Variants in CFAP47 observed in about 807,000 individuals in gnomAD.
The protein encoded by CFAP47 is cilia- and flagella-associated protein 47.
In CFAP47, 29 loss-of-function variants were observed where a neutral mutation model predicts 148.1. The observed-to-expected ratio is 0.20, with a 90% CI of 0.15 to 0.27. CFAP47 has a LOEUF of 0.27. Among genes scored for constraint, CFAP47 ranks in the 10% least tolerant of loss-of-function variants. CFAP47 has a pLI of 1.00. For synonymous variants in CFAP47, 664 were observed against 577.3 expected (o/e 1.15, Z -2.15); for missense variants, 1,872 against 1,697.5 (o/e 1.10, Z -1.81).
intron 26 of CFAP47, among the ~76,000 whole-genome samples, chrX:36,049,814 C>T (rs1009941329): frequency 9.0e-6 from 1 of 111,571 alleles, no homozygotes; most frequent in African/African-American, 3.3e-5. Flanking sequence ...GCTGTGTCCC[C>T]ACCTAAATTT....
intron 61 of CFAP47, among the ~76,000 whole-genome samples, chrX:36,363,046 A>T (rs1291007041): frequency 9.0e-6 from 1 of 111,578 alleles, no homozygotes; most frequent in East Asian, 2.8e-4. Context: ...ACTCATGAAA[A>T]TTTTTTGGAT....
intron 48 of CFAP47, among the ~76,000 whole-genome samples, chrX:36,247,480 G>A (rs1940630843): frequency 9.0e-6 from 1 of 110,743 alleles, no homozygotes; most frequent in Non-Finnish European, 1.9e-5. Flanking sequence ...TATCTTGGCA[G>A]GCTTAAAATG....
intron 39 of CFAP47, among the ~76,000 whole-genome samples, chrX:36,170,947 C>T (rs912904259): frequency 2.8e-5 from 3 of 109,014 alleles, no homozygotes; most frequent in Non-Finnish European, 3.8e-5. Context: ...TCCACATCCT[C>T]TCCGGCACCT....
At chrX:35,990,634 TCTTTC>T (rs775274277) in intron 16 of CFAP47, among the ~76,000 whole-genome samples, 2 of 111,526 alleles carry the variant, frequency 1.8e-5, no homozygotes, top group Non-Finnish European at 3.8e-5. Flanking sequence ...AGCCTTCAAC[TCTTTC>T]CTTTTGCACT....
chrX:36,315,320 G>T (rs1467086273), intron 56 of CFAP47, among the ~76,000 whole-genome samples: 3 of 112,156 alleles, frequency 2.7e-5, no homozygotes, highest in Admixed American at 9.5e-5. Context: ...TTCCTAAGGA[G>T]AATTTTGGCA....
At chrX:36,230,871 C>T (rs1326243816) in intron 46 of CFAP47, among the ~76,000 whole-genome samples, 1 of 106,637 alleles carries the variant, frequency 9.4e-6, no homozygotes, top group Non-Finnish European at 1.9e-5. Context: ...ATAAGGAATC[C>T]TTTCCCCATT....
intron 57 of CFAP47, among the ~76,000 whole-genome samples, chrX:36,321,859 C>T (rs1941481806): frequency 9.0e-6 from 1 of 111,670 alleles, no homozygotes; most frequent in African/African-American, 3.2e-5. Context: ...AATACGTGAG[C>T]CATTTTCTGT....
chrX:36,015,129 T>TA (rs774025778), intron 22 of CFAP47, among the ~76,000 whole-genome samples: 226 of 109,872 alleles, frequency 2.1e-3, no homozygotes, highest in Middle Eastern at 4.7e-3. Flanking sequence ...AGCAACTTGC[T>TA]AAAAAAAAGA....
chrX:36,373,783 G>T (rs1210948268), intron 62 of CFAP47, among the ~76,000 whole-genome samples: 3 of 111,813 alleles, frequency 2.7e-5, no homozygotes, highest in Non-Finnish European at 5.7e-5. Context: ...ATCATGAAAT[G>T]ATGTTAAACT....
At chrX:36,360,382 AT>A (rs1464226474) in intron 60 of CFAP47, among the ~76,000 whole-genome samples, 1 of 111,566 alleles carries the variant, frequency 9.0e-6, no homozygotes, top group Non-Finnish European at 1.9e-5. Context: ...CTGGGGACAC[AT>A]CTGGCGCCTG....
At chrX:36,185,626 A>G (rs782192105) in intron 40 of CFAP47, among the ~76,000 whole-genome samples, 1 of 112,278 alleles carries the variant, frequency 8.9e-6, no homozygotes, top group South Asian at 3.7e-4. Context: ...CTTAGTCTGC[A>G]TGGGCTGCCA....
intron 21 of CFAP47, among the ~76,000 whole-genome samples, chrX:36,012,258 C>T (rs752203243): frequency 1.7e-3 from 189 of 111,472 alleles, no homozygotes; most frequent in Non-Finnish European, 8.7e-4. Flanking sequence ...GACAGTGTGA[C>T]GATTTCTCAA....
intron 49 of CFAP47, among the ~76,000 whole-genome samples, chrX:36,274,673 A>C (rs781855576): frequency 8.9e-6 from 1 of 112,350 alleles, no homozygotes; most frequent in Non-Finnish European, 1.9e-5. Flanking sequence ...TAGTGTATAA[A>C]AATGTAACTG....
chrX:36,303,514 G>A (rs1556008193), intron 53 of CFAP47, among the ~76,000 whole-genome samples: 1 of 109,458 alleles, frequency 9.1e-6, no homozygotes, highest in African/African-American at 3.3e-5. Context: ...TGCCAGCAAC[G>A]TTTGGCTTTC....
intron 26 of CFAP47, among the ~76,000 whole-genome samples, chrX:36,060,016 C>T (rs904467332): frequency 5.4e-5 from 6 of 111,303 alleles, no homozygotes; most frequent in African/African-American, 2.0e-4. Context: ...ACTGGCTCTT[C>T]TTTGCCTTTC....
rs749219294 is a variant in CFAP47, at chrX:35,994,302, A to G, written c.3099+981A>G. On this transcript the variant is annotated intron_variant, in intron 18 of 63. Transcript: ENST00000378653. Reference sequence around the variant, plus strand: ...GAAAAATATTACCCTGATATTAGGCACTTCTGTAAGTGATAAATAAAATAT... The same window carrying G: ...GAAAAATATTACCCTGATATTAGGCGCTTCTGTAAGTGATAAATAAAATAT... Among the ~76,000 whole-genome samples, 82 of 111,950 alleles carry G rather than the reference A, an allele frequency of 7.3e-4. 1 individual carries two copies. The highest frequency in any genetic ancestry group is 1.4e-3 in the Non-Finnish European group (72 of 53,116).
intron 46 of CFAP47, among the ~76,000 whole-genome samples, 166 bp downstream of exon 46, chrX:36,228,990 A>G (rs181793956): frequency 8.9e-6 from 1 of 111,828 alleles, no homozygotes; most frequent in East Asian, 2.8e-4. Context: ...TATAAATGTT[A>G]TTATGTTACT....
At chrX:36,270,363 G>A (rs918590284) in intron 49 of CFAP47, among the ~76,000 whole-genome samples, 3 of 110,320 alleles carry the variant, frequency 2.7e-5, no homozygotes, top group Non-Finnish European at 5.7e-5. Context: ...ATTTAAATTT[G>A]TAGATACTGC....
At chrX:36,037,429 C>T (rs1012102653) in intron 24 of CFAP47, among the ~76,000 whole-genome samples, 1 of 110,004 alleles carries the variant, frequency 9.1e-6, no homozygotes, top group Non-Finnish European at 1.9e-5. Flanking sequence ...GTGGTGCGAT[C>T]TCAGCTCACT....
Sources: gnomAD v4.1 joint callset for allele counts (sites outside exome capture counted in the v4.1 genomes callset) on GRCh38, gnomAD v4.1.1 for gene constraint, MANE v1.5 for transcripts, NCBI Gene and HGNC (gene_info 2026-07-23, HGNC 2026-07-21) for gene names.